The following CRACD variants were observed in gnomAD, a reference collection of about 807,000 sequenced individuals.
CRACD encodes the protein capping protein inhibiting regulator of actin dynamics, also known as capping protein-inhibiting regulator of actin dynamics.
In CRACD, 56 loss-of-function variants were observed where a neutral mutation model predicts 106.8. The ratio of observed to expected loss-of-function variants is 0.52; its 90% CI spans 0.42 to 0.66. CRACD has a LOEUF of 0.66. CRACD is among the 30% of genes least tolerant of loss of function. The pLI is 0.00. For missense variants in CRACD, 1,730 were observed against 1,623.2 expected, an observed-to-expected ratio of 1.07 and a Z score of -1.13; for synonymous variants, 754 against 670.8, an observed-to-expected ratio of 1.12 and a Z score of -1.92.
At chr4:56,097,464 G>C (rs1023032866) in intron 1 of CRACD, 3 of 152,946 alleles carry the variant, frequency 2.0e-5, no homozygotes, top group Middle Eastern at 3.4e-3. Flanking sequence ...GGCCTGGTTA[G>C]TACTTGGATG....
At chr4:56,286,525 CAAAAAAA>C (rs61498428) in intron 3 of CRACD, among the ~76,000 whole-genome samples, 2 of 89,374 alleles carry the variant, frequency 2.2e-5, no homozygotes, top group African/African-American at 4.0e-5. Flanking sequence ...GACTCCGTCT[CAAAAAAA>C]AAAAAAAAAA....
chr4:56,215,880 C>T (rs886702565), intron 2 of CRACD, among the ~76,000 whole-genome samples: 15 of 152,162 alleles, frequency 9.9e-5, no homozygotes, highest in South Asian at 4.1e-4. Flanking sequence ...AAGTGAAGGA[C>T]GATTTCCAAG....
intron 1 of CRACD, among the ~76,000 whole-genome samples, chr4:56,127,895 C>G (rs995624005): frequency 1.3e-5 from 2 of 152,176 alleles, no homozygotes; most frequent in Admixed American, 1.3e-4. Flanking sequence ...AGCTCCAAGG[C>G]AGCACATATG....
intron 2 of CRACD, among the ~76,000 whole-genome samples, chr4:56,189,183 C>CA (rs538002429): frequency 0.061 from 7,828 of 127,412 alleles, 213 homozygotes; most frequent in African/African-American, 0.077. Flanking sequence ...GCCACTGTCT[C>CA]AAAAAAAAAA....
chr4:56,168,720 A>G (rs1407892546), intron 1 of CRACD, among the ~76,000 whole-genome samples: 1 of 149,778 alleles, frequency 6.7e-6, no homozygotes, highest in East Asian at 1.9e-4. Flanking sequence ...ATTTATATAT[A>G]TAAAACTATA....
chr4:56,098,707 T>G (rs558292211), intron 1 of CRACD, among the ~76,000 whole-genome samples: 6 of 152,300 alleles, frequency 3.9e-5, no homozygotes, highest in African/African-American at 1.2e-4. Context: ...TATTCTTTTT[T>G]TTGAGACAGA....
chr4:56,229,929 T>G (rs1739515896), intron 2 of CRACD, among the ~76,000 whole-genome samples: 1 of 152,220 alleles, frequency 6.6e-6, no homozygotes, highest in Admixed American at 6.5e-5. Flanking sequence ...GAAAAACAAC[T>G]AACAGGGTAA....
chr4:56,052,319 TA>T (rs1731906537), intron 1 of CRACD, among the ~76,000 whole-genome samples: 1 of 152,256 alleles, frequency 6.6e-6, no homozygotes, highest in African/African-American at 2.4e-5. Flanking sequence ...TGCATTCTTA[TA>T]TTTTTTATTC....
At chr4:56,296,025 G>A (rs1045868671) in intron 3 of CRACD, among the ~76,000 whole-genome samples, 4 of 152,038 alleles carry the variant, frequency 2.6e-5, no homozygotes, top group East Asian at 3.9e-4. Flanking sequence ...AGCTGAAGAC[G>A]TATGCCTTAT....
chr4:56,052,937 T>G (rs1252503616), intron 1 of CRACD, among the ~76,000 whole-genome samples: 1 of 152,228 alleles, frequency 6.6e-6, no homozygotes, highest in Non-Finnish European at 1.5e-5. Flanking sequence ...TTGAAATGAC[T>G]CATTTCAAGT....
At chr4:56,103,298 G>A (rs763606561) in intron 1 of CRACD, among the ~76,000 whole-genome samples, 40 of 152,196 alleles carry the variant, frequency 2.6e-4, no homozygotes, top group Non-Finnish European at 5.0e-4. Flanking sequence ...GGATAGGTAG[G>A]AGAGGAGTGA....
intron 2 of CRACD, among the ~76,000 whole-genome samples, chr4:56,219,225 T>C (rs1000820615): frequency 1.3e-5 from 2 of 152,232 alleles, no homozygotes; most frequent in African/African-American, 4.8e-5. Flanking sequence ...TTGAGGATTC[T>C]GGTGGGCTAG....
In CRACD at chr4:56,056,741, C is replaced by T. The variant is rs1035887316; in HGVS notation, c.-336+7442C>T. Among the ~76,000 whole-genome samples the T allele has an allele frequency of 5.3e-5, 8 of 152,062 alleles. No individual in the cohort carries two copies. In the East Asian group the frequency reaches 5.8e-4, roughly 11 times the overall value. On this transcript the variant is annotated intron_variant, in intron 1 of 10. Coordinates refer to ENST00000682029, the MANE Select transcript of CRACD (RefSeq NM_001393381.1). ...TAGGGAGGTTGAGGCTACAATGAGC[C>T]TGTCTCAAAAATAAAATAAAATAAA...
At chr4:56,324,023 A>G (rs759768951) in intron 9 of CRACD, 81 bp from the exon 10 acceptor site, 57 of 1,456,274 alleles carry the variant, frequency 3.9e-5, no homozygotes, top group Non-Finnish European at 5.0e-5. Flanking sequence ...TGGCAGGCAG[A>G]GGCCCCGAAG....
At chr4:56,227,623 C>T (rs4865069) in intron 2 of CRACD, among the ~76,000 whole-genome samples, 20,194 of 152,050 alleles carry the variant, frequency 0.13, 2,211 homozygotes, top group East Asian at 0.58. Context: ...CCACATAGAC[C>T]GGCTGCAGCT....
intron 1 of CRACD, among the ~76,000 whole-genome samples, chr4:56,121,918 T>C (rs746052006): frequency 1.3e-5 from 2 of 152,218 alleles, no homozygotes; most frequent in Non-Finnish European, 2.9e-5. Flanking sequence ...AAAAGGTTTT[T>C]TGGGGGAGGA....
At chr4:56,211,851 A>C (rs1738425447) in intron 2 of CRACD, among the ~76,000 whole-genome samples, 1 of 152,186 alleles carries the variant, frequency 6.6e-6, no homozygotes. Context: ...ATGGGAAGAC[A>C]GGCTCTCAAT....
At chr4:56,108,930 C>T (rs1734032979) in intron 1 of CRACD, among the ~76,000 whole-genome samples, 1 of 152,170 alleles carries the variant, frequency 6.6e-6, no homozygotes, top group African/African-American at 2.4e-5. Context: ...AAGCACAGCA[C>T]CACAGGGAGG....
At chr4:56,291,785 A>G (rs944452794) in intron 3 of CRACD, among the ~76,000 whole-genome samples, 20 of 152,194 alleles carry the variant, frequency 1.3e-4, no homozygotes, top group African/African-American at 4.8e-4. Context: ...CTGCAGAACC[A>G]TAAGCCAGTT....
Sources: allele counts gnomAD v4.1 joint callset (sites outside exome capture counted in the v4.1 genomes callset), GRCh38; gene constraint gnomAD v4.1.1; transcripts MANE v1.5; gene names NCBI Gene and HGNC (gene_info 2026-07-23, HGNC 2026-07-21).